Variants in SNX29 observed in about 807,000 individuals in gnomAD.
SNX29 encodes the protein sorting nexin 29.
A neutral mutation model predicts 102.1 loss-of-function variants in SNX29; 78 were observed. The ratio of observed to expected loss-of-function variants is 0.76; its 90% CI spans 0.64 to 0.92. SNX29 has a LOEUF of 0.92. SNX29 is among the 40% of genes least tolerant of loss of function. The pLI is 0.00. For synonymous variants in SNX29, 580 were observed against 414.5 expected, an observed-to-expected ratio of 1.40 and a Z score of -4.85; for missense variants, 1,280 against 1,061.7, an observed-to-expected ratio of 1.21 and a Z score of -2.86.
At chr16:12,138,597 TAAAAC>T (rs66783030) in intron 13 of SNX29, among the ~76,000 whole-genome samples, 20,264 of 151,986 alleles carry the variant, frequency 0.13, 1,666 homozygotes, top group East Asian at 0.25. Flanking sequence ...TAATGTAAAA[TAAAAC>T]AAAACTTTGC....
chr16:12,129,662 A>G lies in SNX29; in HGVS notation c.1499A>G (p.Glu500Gly). ...SLRNLLDGEM[E>G]HSAALRQEVD... is the part of the protein sequence containing the mutation. ...CGAAACCTGCTCGACGGTGAGATGG[A>G]GCACTCAGCCGCGCTCCGGCAAGAG... The change falls in exon 13 of 21, where the codon GAG becomes GGG. Residue 500 changes from glutamate (E) to glycine (G), a missense_variant. Transcript: ENST00000566228. 1.2e-6 allele frequency: 2 copies of G among 1,611,214 alleles called. No individual in the cohort carries two copies. Among genetic ancestry groups the G allele is most frequent in the Non-Finnish European group, 1.7e-6 (2 of 1,179,534 alleles).
chr16:12,307,520 G>T (rs1431356744), intron 15 of SNX29, among the ~76,000 whole-genome samples: 1 of 152,222 alleles, frequency 6.6e-6, no homozygotes, highest in Admixed American at 6.5e-5. Flanking sequence ...GTACAATTTT[G>T]TCCCCACTTT....
At chr16:12,004,869 A>G (rs1464950845) in intron 3 of SNX29, among the ~76,000 whole-genome samples, 1 of 152,232 alleles carries the variant, frequency 6.6e-6, no homozygotes, top group African/African-American at 2.4e-5. Flanking sequence ...CTATATATAC[A>G]TTCGGCTTTT....
In SNX29 at chr16:12,032,718, C is replaced by A. The variant is rs1596646180; in HGVS notation, c.247+5274C>A. 2.0e-5 allele frequency among the ~76,000 whole-genome samples: 3 copies of A among 152,008 alleles called. No homozygotes were observed. The East Asian group carries it at 5.8e-4, about 29-fold the overall frequency. ...GACAATGTTGGATCATATGATAATT[C>A]TATGTTTAATTATTTTTTAGAAACC... On this transcript the variant is annotated intron_variant, in intron 4 of 20. Coordinates refer to ENST00000566228, the MANE Select transcript of SNX29 (RefSeq NM_032167.5).
chr16:12,189,769 C>T (rs1187627880), intron 13 of SNX29, among the ~76,000 whole-genome samples: 1 of 151,880 alleles, frequency 6.6e-6, no homozygotes, highest in Non-Finnish European at 1.5e-5. Context: ...TGTTTTGATG[C>T]CCGGATCGTC....
intron 15 of SNX29, among the ~76,000 whole-genome samples, chr16:12,284,098 G>T (rs917770864): frequency 2.0e-5 from 3 of 152,342 alleles, no homozygotes; most frequent in African/African-American, 7.2e-5. Context: ...CATCTTCAGA[G>T]ATGTTCTATT....
chr16:12,525,462 C>G (rs1457915479), intron 20 of SNX29, among the ~76,000 whole-genome samples: 1 of 152,102 alleles, frequency 6.6e-6, no homozygotes, highest in Non-Finnish European at 1.5e-5. Context: ...CACCTGAGGT[C>G]GGGAGTTCGA....
chr16:12,573,015 T>G lies in SNX29; in HGVS notation c.*4386T>G, dbSNP rs1041962370. 5.8e-5 allele frequency: 17 copies of G among 295,004 alleles called. No individual in the cohort carries two copies. The highest frequency in any genetic ancestry group is 1.1e-3 in the Middle Eastern group (1 of 908). 18.3% of individuals were successfully genotyped at this position (295,004 alleles called of 1,614,324 possible). A position where few individuals can be genotyped will look rare whatever the true frequency, so the allele number is the denominator to read the frequency against. On this transcript the variant is annotated 3_prime_UTR_variant, in exon 21 of 21. Transcript: ENST00000566228. Reference sequence around the variant, plus strand: ...ATTAAAGCTACTGTTAAATATTTGCTGTTTTTAGATTGGCGTCCGTGCTAA... The same window carrying G: ...ATTAAAGCTACTGTTAAATATTTGCGGTTTTTAGATTGGCGTCCGTGCTAA...
At chr16:12,533,577 C>G (rs1318216878) in intron 20 of SNX29, among the ~76,000 whole-genome samples, 1 of 152,158 alleles carries the variant, frequency 6.6e-6, no homozygotes, top group African/African-American at 2.4e-5. Flanking sequence ...CATTATCAAC[C>G]AGGTATATTA....
At chr16:12,353,731 G>T (rs767404337) in intron 15 of SNX29, among the ~76,000 whole-genome samples, 1 of 152,212 alleles carries the variant, frequency 6.6e-6, no homozygotes, top group African/African-American at 2.4e-5. Context: ...TGGGGACTGA[G>T]TGAGTTAGTG....
intron 15 of SNX29, among the ~76,000 whole-genome samples, chr16:12,290,249 T>C (rs2079748659): frequency 6.6e-6 from 1 of 152,256 alleles, no homozygotes; most frequent in Non-Finnish European, 1.5e-5. Flanking sequence ...TACCTTGCTC[T>C]GAGCATGTTT....
chr16:12,556,969 C>CTCA (rs1179090529), intron 20 of SNX29, among the ~76,000 whole-genome samples: 1 of 149,786 alleles, frequency 6.7e-6, no homozygotes, highest in South Asian at 2.2e-4. Context: ...CCACTTCTGC[C>CTCA]TCATGAGTAG....
At chr16:12,568,459 T>A in intron 20 of SNX29, 47 bp from the exon 21 acceptor site, 1 of 1,602,588 alleles carries the variant, frequency 6.2e-7, no homozygotes, top group South Asian at 1.1e-5. Flanking sequence ...TGTGGTCATT[T>A]GCTTTTCATC....
Position 11,979,275 on chromosome 16 carries a change from C to CAAAAAA in SNX29, c.7+2481_7+2486dup, listed in dbSNP as rs71139569. 5.5e-3 allele frequency among the ~76,000 whole-genome samples: 339 copies of CAAAAAA among 61,862 alleles called. 15 individuals are homozygous for CAAAAAA. The highest frequency in any genetic ancestry group is 0.011 in the African/African-American group (143 of 13,374). 40.6% of individuals were successfully genotyped at this position (61,862 alleles called of 152,430 possible). On this transcript the variant is annotated intron_variant, in intron 1 of 20. Transcript: ENST00000566228. ...GGGCAACAGAGTGAGACTCAGTCTC[C>CAAAAAA]AAAAAAAAAAAAAAAAAAAAAAAAT...
intron 18 of SNX29, among the ~76,000 whole-genome samples, chr16:12,424,183 C>G (rs1003684603): frequency 6.6e-6 from 1 of 152,214 alleles, no homozygotes; most frequent in Non-Finnish European, 1.5e-5. Flanking sequence ...AGTGCAGCGA[C>G]TTTCTCTTGT....
intron 14 of SNX29, among the ~76,000 whole-genome samples, chr16:12,235,471 AT>A (rs201534818): frequency 2.0e-5 from 3 of 151,750 alleles, no homozygotes; most frequent in East Asian, 1.9e-4. Context: ...GTACAGACAG[AT>A]TTTTTTTTGT....
At chr16:12,048,324 T>C in intron 6 of SNX29, 48 bp from the exon 7 acceptor site, 1 of 1,613,210 alleles carries the variant, frequency 6.2e-7, no homozygotes, top group Non-Finnish European at 8.5e-7. Flanking sequence ...GTTGCTGGTA[T>C]GACTGCCCAT....
intron 14 of SNX29, among the ~76,000 whole-genome samples, chr16:12,267,450 G>T (rs911356529): frequency 3.3e-5 from 5 of 152,198 alleles, no homozygotes; most frequent in Non-Finnish European, 4.4e-5. Context: ...CGTGGTGTTT[G>T]AATTCTCAAG....
intron 16 of SNX29, among the ~76,000 whole-genome samples, chr16:12,384,997 C>A (rs540499894): frequency 1.3e-5 from 2 of 152,236 alleles, no homozygotes; most frequent in Admixed American, 1.3e-4. Context: ...ATGGTGAAAC[C>A]CCATCTCCAC....
Sources: gnomAD v4.1 joint callset for allele counts (sites outside exome capture counted in the v4.1 genomes callset) on GRCh38, gnomAD v4.1.1 for gene constraint, MANE v1.5 for transcripts, NCBI Gene and HGNC (gene_info 2026-07-23, HGNC 2026-07-21) for gene names.